The following TRUB1 variants were observed in gnomAD, a reference collection of about 807,000 sequenced individuals.
TRUB1 encodes TruB pseudouridine synthase family member 1.
TRUB1 carries 23 observed loss-of-function variants against 33.9 expected under a neutral mutation model. The observed-to-expected ratio is 0.68, with a 90% confidence interval of 0.49 to 0.96. The LOEUF is 0.96. TRUB1 is among the 40% of genes least tolerant of loss of function. TRUB1 has a pLI of 0.00. For synonymous variants in TRUB1, 163 were observed against 165.4 expected, an observed-to-expected ratio of 0.99 and a Z score of 0.11; for missense variants, 378 against 422.2, an observed-to-expected ratio of 0.90 and a Z score of 0.92.
chr10:114,955,300 G>A (rs180807811), intron 3 of TRUB1, among the ~76,000 whole-genome samples: 278 of 152,246 alleles, frequency 1.8e-3, no homozygotes, highest in African/African-American at 6.4e-3. Context: ...AGCAGATGTC[G>A]TACTTTGAAG....
chr10:114,963,982 T>C (rs569262632), intron 4 of TRUB1, among the ~76,000 whole-genome samples: 1 of 152,248 alleles, frequency 6.6e-6, no homozygotes, highest in South Asian at 2.1e-4. Context: ...TGTGTGTGTG[T>C]GTGTGTGTGC....
intron 4 of TRUB1, among the ~76,000 whole-genome samples, chr10:114,965,511 C>A (rs958445886): frequency 1.3e-5 from 2 of 152,042 alleles, no homozygotes; most frequent in African/African-American, 2.4e-5. Context: ...AGTGAGATTG[C>A]CCTGTATTTT....
intron 3 of TRUB1, 150 bp from the exon 4 acceptor site, chr10:114,959,576 T>G: frequency 3.1e-6 from 2 of 647,690 alleles, no homozygotes; most frequent in Non-Finnish European, 5.5e-6. Context: ...TTTCCACATA[T>G]TAAAAACAAA....
At chr10:114,951,927 A>T (rs898510069) in intron 3 of TRUB1, among the ~76,000 whole-genome samples, 1 of 152,230 alleles carries the variant, frequency 6.6e-6, no homozygotes, top group Non-Finnish European at 1.5e-5. Flanking sequence ...AATTGTTGAT[A>T]AAATGATTTT....
chr10:114,967,988 A>C (rs1592053869), intron 4 of TRUB1, among the ~76,000 whole-genome samples: 1 of 152,166 alleles, frequency 6.6e-6, no homozygotes, highest in African/African-American at 2.4e-5. Context: ...AATTCAGCAG[A>C]TGTCTTGAGT....
chr10:114,947,591 G>A (rs956705959), intron 2 of TRUB1, among the ~76,000 whole-genome samples: 2 of 152,226 alleles, frequency 1.3e-5, no homozygotes, highest in African/African-American at 4.8e-5. Flanking sequence ...TTTTGTCTAT[G>A]CAGATTTTTA....
In TRUB1 at chr10:114,976,038, A is replaced by G. The variant is rs931684448; in HGVS notation, c.*659A>G. 2.0e-5 allele frequency: 3 copies of G among 152,576 alleles called. No homozygotes were observed. Among genetic ancestry groups the G allele is most frequent in the African/African-American group, 7.2e-5 (3 of 41,464 alleles). 9.5% of individuals were successfully genotyped at this position (152,576 alleles called of 1,614,324 possible). A position where few individuals can be genotyped will look rare whatever the true frequency, so the allele number is the denominator to read the frequency against. ...AGAAGACTAATACTTAATTAAAGTC[A>G]CCTTCCTACCATTAGAGCAGAAGAC... is the stretch of plus-strand genomic sequence containing the variant. On this transcript the variant is annotated 3_prime_UTR_variant, in exon 8 of 8. Coordinates refer to ENST00000298746, the MANE Select transcript of TRUB1 (RefSeq NM_139169.5).
intron 6 of TRUB1, among the ~76,000 whole-genome samples, chr10:114,973,415 C>T (rs748888842): frequency 2.6e-5 from 4 of 152,144 alleles, no homozygotes; most frequent in African/African-American, 7.2e-5. Flanking sequence ...AGTGCTAGCG[C>T]GCCTGCATTT....
Position 114,961,844 on chromosome 10 carries a change from A to G in TRUB1, c.523+2037A>G, listed in dbSNP as rs1466122441. Among the ~76,000 whole-genome samples the G allele has an allele frequency of 2.0e-5, 3 of 152,200 alleles. No homozygotes were observed. In the South Asian group the frequency reaches 6.2e-4, roughly 32 times the overall value. On this transcript the variant is annotated intron_variant, in intron 4 of 7. Coordinates refer to ENST00000298746, the MANE Select transcript of TRUB1 (RefSeq NM_139169.5). ...AAGACCTAGCTTGTGTCCTTAAGGA[A>G]CTTACTGTCTAATGGAGAACTCTGA...
At chr10:114,944,178 A>G (rs1284071913) in intron 2 of TRUB1, among the ~76,000 whole-genome samples, 1 of 151,852 alleles carries the variant, frequency 6.6e-6, no homozygotes, top group South Asian at 2.1e-4. Flanking sequence ...CATATGAGAA[A>G]CAAACTTTTA....
chr10:114,970,074 G>A (rs1176543861), intron 4 of TRUB1, among the ~76,000 whole-genome samples: 2 of 151,990 alleles, frequency 1.3e-5, no homozygotes, highest in Non-Finnish European at 2.9e-5. Context: ...TCTTCTTAAG[G>A]CCATAGTCAG....
chr10:114,975,523 T>C lies in TRUB1; in HGVS notation c.*144T>C, dbSNP rs2084356828. Reference sequence around the variant, plus strand: ...AAATGTCTATCATTTACAGTTTCAATAGCACATAATTTATTTTCTATGCAT... The same window carrying C: ...AAATGTCTATCATTTACAGTTTCAACAGCACATAATTTATTTTCTATGCAT... On this transcript the variant is annotated 3_prime_UTR_variant, in exon 8 of 8. Coordinates refer to ENST00000298746, the MANE Select transcript of TRUB1 (RefSeq NM_139169.5). The C allele has an allele frequency of 5.3e-6, 4 of 758,178 alleles. No individual in the cohort carries two copies. Among genetic ancestry groups the C allele is most frequent in the Admixed American group, 5.8e-5 (2 of 34,632 alleles). The allele number at this position is 758,178 out of a possible 1,614,324, so 47.0% of individuals were successfully genotyped here.
chr10:114,952,750 GA>G (rs2084242780), intron 3 of TRUB1, among the ~76,000 whole-genome samples: 2 of 152,182 alleles, frequency 1.3e-5, no homozygotes, highest in Admixed American at 1.3e-4. Flanking sequence ...GCATTAGAAT[GA>G]AGGTGTTTGA....
chr10:114,946,926 A>T (rs552345027), intron 2 of TRUB1, among the ~76,000 whole-genome samples: 14 of 152,338 alleles, frequency 9.2e-5, no homozygotes, highest in African/African-American at 3.4e-4. Flanking sequence ...ATTAGGTTAC[A>T]TCACAAGGAA....
intron 6 of TRUB1, 98 bp from the exon 7 acceptor site, chr10:114,974,231 G>A (rs2084349886): frequency 1.2e-6 from 1 of 833,948 alleles, no homozygotes; most frequent in East Asian, 2.5e-5. Context: ...TCAATTGTTT[G>A]CATAGTGCAT....
intron 1 of TRUB1, among the ~76,000 whole-genome samples, chr10:114,941,222 C>T (rs1372116611): frequency 1.3e-5 from 2 of 152,108 alleles, no homozygotes; most frequent in Admixed American, 6.6e-5. Flanking sequence ...AGTCTAATAG[C>T]CAATACTCTC....
At chr10:114,971,965 A>G (rs544688159) in intron 5 of TRUB1, among the ~76,000 whole-genome samples, 170 bp from the exon 6 acceptor site, 2 of 152,352 alleles carry the variant, frequency 1.3e-5, no homozygotes, top group Admixed American at 6.5e-5. Flanking sequence ...ATTATGGAGT[A>G]GATTAGAATT....
At chr10:114,947,429 A>G (rs928042525) in intron 2 of TRUB1, among the ~76,000 whole-genome samples, 2 of 152,246 alleles carry the variant, frequency 1.3e-5, no homozygotes, top group Admixed American at 1.3e-4. Context: ...TAAAATTTCT[A>G]TATACCATTT....
At chr10:114,956,245 T>C (rs2084261328) in intron 3 of TRUB1, among the ~76,000 whole-genome samples, 3 of 152,146 alleles carry the variant, frequency 2.0e-5, no homozygotes. Flanking sequence ...ACCTCTCTTT[T>C]GTTGCAGTAG....
Sources: allele counts gnomAD v4.1 joint callset (sites outside exome capture counted in the v4.1 genomes callset), GRCh38; gene constraint gnomAD v4.1.1; transcripts MANE v1.5; gene names NCBI Gene and HGNC (gene_info 2026-07-23, HGNC 2026-07-21).